Variants in SASH1 observed in about 807,000 individuals in gnomAD.
SASH1 encodes SAM and SH3 domain containing 1, also known as SAM and SH3 domain-containing protein 1.
A neutral mutation model predicts 125.2 loss-of-function variants in SASH1; 44 were observed. The observed-to-expected ratio is 0.35, with a 90% CI of 0.28 to 0.45. The LOEUF (loss-of-function observed/expected upper bound fraction) is 0.45. Ranked by LOEUF, SASH1 falls within the 20% of genes least tolerant of loss-of-function variation. The pLI is 1.00. For missense variants in SASH1, 1,426 were observed against 1,614.5 expected (o/e 0.88, Z 2.00); for synonymous variants, 639 against 649.1 (o/e 0.98, Z 0.24).
At chr6:148,546,190 G>T (rs1475928742) in intron 19 of SASH1, 44 bp downstream of exon 19, 2 of 1,602,676 alleles carry the variant, frequency 1.2e-6, no homozygotes, top group South Asian at 2.3e-5. Flanking sequence ...CACATTTAGT[G>T]ATCACGCTTA....
At chr6:148,489,242 A>T (rs1778998831) in intron 8 of SASH1, among the ~76,000 whole-genome samples, 1 of 152,078 alleles carries the variant, frequency 6.6e-6, no homozygotes, top group Admixed American at 6.5e-5. Context: ...TCCTCATTTT[A>T]TGGTCATGGC....
At chr6:148,335,699 A>G (rs763352632) in intron 1 of SASH1, among the ~76,000 whole-genome samples, 13 of 152,208 alleles carry the variant, frequency 8.5e-5, no homozygotes, top group Non-Finnish European at 1.8e-4. Context: ...CCTCAGCTCA[A>G]TGCCTGGCAG....
At chr6:148,471,323 T>G (rs1778096545) in intron 5 of SASH1, 94 bp from the exon 6 acceptor site, 1 of 781,606 alleles carries the variant, frequency 1.3e-6, no homozygotes. Flanking sequence ...CTACCAGCTT[T>G]GAATTACAAG....
At chr6:148,433,111 G>C (rs1483384082) in intron 2 of SASH1, among the ~76,000 whole-genome samples, 1 of 152,130 alleles carries the variant, frequency 6.6e-6, no homozygotes, top group Non-Finnish European at 1.5e-5. Context: ...TTCTGTATTA[G>C]ATACAATAAA....
chr6:148,285,226 C>T (rs9377124), intron 1 of SASH1, among the ~76,000 whole-genome samples: 86,765 of 152,110 alleles, frequency 0.57, 25,297 homozygotes, highest in African/African-American at 0.67. Context: ...TTGAGCCCCA[C>T]AGAAAGACTG....
chr6:148,412,327 G>A (rs1784661308), intron 2 of SASH1, among the ~76,000 whole-genome samples: 1 of 152,064 alleles, frequency 6.6e-6, no homozygotes, highest in Admixed American at 6.6e-5. Context: ...ATAGTAGCAG[G>A]TATGTAAATG....
At chr6:148,465,660 A>C (rs188957779) in intron 4 of SASH1, among the ~76,000 whole-genome samples, 271 of 152,234 alleles carry the variant, frequency 1.8e-3, no homozygotes, top group African/African-American at 6.4e-3. Context: ...AACCAGCTGC[A>C]GACCCCAGCC....
At chr6:148,270,736 AC>A (rs1182438255), upstream of SASH1, among the ~76,000 whole-genome samples, 9 of 152,176 alleles carry the variant, frequency 5.9e-5, no homozygotes, top group Non-Finnish European at 1.0e-4. Flanking sequence ...TGGTTAATAC[AC>A]CATCACTGAT....
At chr6:148,297,403 G>A (rs914123087) in intron 1 of SASH1, among the ~76,000 whole-genome samples, 4 of 151,956 alleles carry the variant, frequency 2.6e-5, no homozygotes, top group African/African-American at 9.7e-5. Flanking sequence ...TTTAAGATGA[G>A]AACAATGATA....
the SASH1 span, among the ~76,000 whole-genome samples, chr6:148,256,226 C>T: frequency 6.6e-6 from 1 of 152,134 alleles, no homozygotes; most frequent in Admixed American, 6.5e-5. Flanking sequence ...AATAGCAAGA[C>T]CTTAATCATG....
chr6:148,545,050 C>T (rs1157771683), intron 18 of SASH1, among the ~76,000 whole-genome samples: 2 of 152,100 alleles, frequency 1.3e-5, no homozygotes, highest in African/African-American at 4.8e-5. Context: ...GCATGAAGAC[C>T]TCTTAGAGGG....
chr6:148,390,925 C>T (rs978310591), intron 2 of SASH1, among the ~76,000 whole-genome samples: 6 of 151,864 alleles, frequency 4.0e-5, no homozygotes, highest in African/African-American at 1.2e-4. Flanking sequence ...TTCCAGCTTT[C>T]GTTCCTTTTT....
chr6:148,224,646 C>T, the SASH1 span, among the ~76,000 whole-genome samples: 4 of 152,290 alleles, frequency 2.6e-5, no homozygotes, highest in Admixed American at 1.3e-4. Context: ...CAGAAGTGAG[C>T]CACTGCACCC....
chr6:148,499,271 CCT>C (rs781581895), intron 8 of SASH1, among the ~76,000 whole-genome samples: 4 of 151,956 alleles, frequency 2.6e-5, no homozygotes, highest in Non-Finnish European at 5.9e-5. Flanking sequence ...CGTTCATCTC[CCT>C]CTTTGTACCA....
At chr6:148,448,260 G>T (rs573596378) in intron 4 of SASH1, among the ~76,000 whole-genome samples, 1 of 152,242 alleles carries the variant, frequency 6.6e-6, no homozygotes, top group Admixed American at 6.5e-5. Flanking sequence ...TAAATCGATT[G>T]AGTGAGTGAG....
intron 17 of SASH1, among the ~76,000 whole-genome samples, chr6:148,542,343 A>T (rs1457453294): frequency 6.7e-6 from 1 of 150,206 alleles, no homozygotes; most frequent in African/African-American, 2.4e-5. Context: ...ATCTGATGCA[A>T]TTTTTTTTTT....
chr6:148,396,537 A>G (rs1227923207), intron 2 of SASH1, among the ~76,000 whole-genome samples: 3 of 151,514 alleles, frequency 2.0e-5, no homozygotes, highest in East Asian at 3.9e-4. Flanking sequence ...TGGTGTAGGA[A>G]TGACTTATCA....
chr6:148,542,878 G>GCA (rs1307891062), intron 17 of SASH1, among the ~76,000 whole-genome samples: 4 of 144,068 alleles, frequency 2.8e-5, no homozygotes, highest in African/African-American at 1.1e-4. Context: ...GTGTGTGTGT[G>GCA]TGCGCGCGCA....
At chr6:148,379,136 G>C (rs2114777382) in intron 1 of SASH1, among the ~76,000 whole-genome samples, 1 of 152,254 alleles carries the variant, frequency 6.6e-6, no homozygotes, top group South Asian at 2.1e-4. Flanking sequence ...TTTATTTAAA[G>C]CAAAGTGCAT....
Sources: allele counts gnomAD v4.1 joint callset (sites outside exome capture counted in the v4.1 genomes callset), GRCh38; gene constraint gnomAD v4.1.1; transcripts MANE v1.5; gene names NCBI Gene and HGNC (gene_info 2026-07-23, HGNC 2026-07-21).